Variants in CLCN5 observed in about 807,000 individuals in gnomAD.
CLCN5 encodes Cl-/H+ antiporter 5.
In CLCN5, 17 loss-of-function variants were observed where a neutral mutation model predicts 54.0. That is an observed-to-expected ratio of 0.31 (90% CI 0.22 to 0.47). The LOEUF is 0.47. Among genes scored for constraint, CLCN5 ranks in the 20% least tolerant of loss-of-function variants. The pLI, the probability that CLCN5 is intolerant of heterozygous loss-of-function variation, is 1.00. For synonymous variants in CLCN5, 222 were observed against 233.0 expected (o/e 0.95, Z 0.43); for missense variants, 448 against 646.7 (o/e 0.69, Z 3.33).
chrX:49,964,012 T>G, intron 3 of CLCN5, among the ~76,000 whole-genome samples: 1 of 112,028 alleles, frequency 8.9e-6, no homozygotes, highest in East Asian at 2.8e-4. Context: ...CAATATTAAG[T>G]ATGGTACAGT....
At chrX:49,934,221 C>G (rs1925804341) in intron 3 of CLCN5, among the ~76,000 whole-genome samples, 1 of 111,639 alleles carries the variant, frequency 9.0e-6, no homozygotes, top group Non-Finnish European at 1.9e-5. Context: ...TTTTTTTTCT[C>G]CCCTCAAAAA....
chrX:49,936,817 G>A (rs1926013208), intron 3 of CLCN5, among the ~76,000 whole-genome samples: 1 of 112,077 alleles, frequency 8.9e-6, no homozygotes, highest in Non-Finnish European at 1.9e-5. Flanking sequence ...AAGGATCTTG[G>A]TTGCCTTCTA....
At chrX:49,922,988 A>T (rs1925144262) in intron 1 of CLCN5, among the ~76,000 whole-genome samples, 196 bp downstream of exon 1, 1 of 113,020 alleles carries the variant, frequency 8.8e-6, no homozygotes, top group South Asian at 3.6e-4. Context: ...GGCTAGTTCC[A>T]GCCAGTGCTG....
intron 3 of CLCN5, among the ~76,000 whole-genome samples, chrX:49,997,049 C>A: frequency 8.9e-6 from 1 of 111,998 alleles, no homozygotes; most frequent in East Asian, 2.8e-4. Flanking sequence ...TCTCTAAATT[C>A]TTGCATTTTG....
intron 3 of CLCN5, among the ~76,000 whole-genome samples, chrX:49,995,431 C>T (rs1437560592): frequency 9.0e-6 from 1 of 111,429 alleles, no homozygotes. Flanking sequence ...CTGAGGCTTC[C>T]GAGCAAGGGT....
chrX:50,057,387 TACTATCCAGG>T (rs1932769969), intron 4 of CLCN5, among the ~76,000 whole-genome samples: 3 of 86,039 alleles, frequency 3.5e-5, no homozygotes, highest in Non-Finnish European at 6.9e-5. Context: ...CCTGGATAGA[TACTATCCAGG>T]ACTCTCCTGG....
At chrX:49,942,704 T>C (rs1348230615) in intron 3 of CLCN5, among the ~76,000 whole-genome samples, 1 of 110,047 alleles carries the variant, frequency 9.1e-6, no homozygotes, top group Admixed American at 9.8e-5. Context: ...GGTTTCCAGC[T>C]TCATCCATGT....
chrX:49,939,821 T>A (rs993521406), intron 3 of CLCN5, among the ~76,000 whole-genome samples: 7 of 111,986 alleles, frequency 6.3e-5, no homozygotes, highest in Non-Finnish European at 3.8e-5. Flanking sequence ...CATTTATTCC[T>A]TTGTGCTTTG....
chrX:50,070,072 A>C (rs368247146), intron 5 of CLCN5, 42 bp downstream of exon 5: 233 of 1,116,748 alleles, frequency 2.1e-4, no homozygotes, highest in Non-Finnish European at 2.6e-4. Context: ...TAGGAAATAC[A>C]GGGGAAGAAA....
At position 50,086,031 on chromosome X, in the gene CLCN5, A is replaced by G. The variant is rs1557193822; in HGVS notation, c.985A>G (p.Ile329Val). 8 of 1,207,304 alleles carry G rather than the reference A, an allele frequency of 6.6e-6. No individual in the cohort carries two copies. In the South Asian group the frequency reaches 1.4e-4, roughly 21 times the overall value. ...TGTATCTGTAGCCTTTGGAGCACCTATAGGTGGAGTATTATTCAGCCTTGA... is the reference window on the plus strand; with the variant it reads ...TGTATCTGTAGCCTTTGGAGCACCTGTAGGTGGAGTATTATTCAGCCTTGA... Reference protein sequence around the residue: ...AGVSVAFGAPIGGVLFSLEEV... With the variant: ...AGVSVAFGAPVGGVLFSLEEV... The change falls in exon 10 of 15, where the codon ATA (isoleucine) becomes GTA (valine). Residue 329 changes from isoleucine to valine, a missense_variant. Transcript: ENST00000376091.
intron 7 of CLCN5, among the ~76,000 whole-genome samples, chrX:50,079,617 C>A (rs1024665232): frequency 1.8e-5 from 2 of 111,793 alleles, no homozygotes; most frequent in African/African-American, 3.3e-5. Context: ...ATAGTTGTTT[C>A]CATTTTATTT....
chrX:50,005,601 TATA>T (rs1182418043), intron 3 of CLCN5, among the ~76,000 whole-genome samples: 1 of 111,948 alleles, frequency 8.9e-6, no homozygotes, highest in Admixed American at 9.5e-5. Flanking sequence ...AAAAAACTAT[TATA>T]ATAAACTCAT....
intron 4 of CLCN5, among the ~76,000 whole-genome samples, chrX:50,042,866 C>T (rs143101751): frequency 1.8e-5 from 2 of 111,843 alleles, no homozygotes; most frequent in African/African-American, 6.5e-5. Context: ...GGAGTAGGAT[C>T]ACTTAGTCAT....
chrX:50,000,891 C>T (rs1311499508), intron 3 of CLCN5, among the ~76,000 whole-genome samples: 1 of 111,552 alleles, frequency 9.0e-6, no homozygotes, highest in East Asian at 2.8e-4. Context: ...CTGCTTGGTC[C>T]CATTATTTGA....
intron 4 of CLCN5, among the ~76,000 whole-genome samples, chrX:50,066,195 T>A (rs1602106300): frequency 2.5e-5 from 2 of 80,227 alleles, no homozygotes; most frequent in African/African-American, 8.6e-5. Context: ...AAAGAGAAAT[T>A]CCAGAGCAAA....
rs187302718 is a variant in CLCN5, at chrX:50,089,199, G to T, written c.1744+315G>T. Reference sequence around the variant, plus strand: ...AAAAAATTAGAATCAACCTAAATTTGCACTTGAGGGACTGGTTAAATGAAT... The same window carrying T: ...AAAAAATTAGAATCAACCTAAATTTTCACTTGAGGGACTGGTTAAATGAAT... On this transcript the variant is annotated intron_variant, in intron 12 of 14. Coordinates refer to ENST00000376091, the MANE Select transcript of CLCN5 (RefSeq NM_001127898.4). Among the ~76,000 whole-genome samples the T allele has an allele frequency of 1.5e-4, 17 of 112,088 alleles. 1 individual carries two copies. The South Asian group carries it at 6.0e-3, about 39-fold the overall frequency.
intron 3 of CLCN5, among the ~76,000 whole-genome samples, chrX:49,947,953 G>A (rs1297681561): frequency 2.7e-5 from 3 of 110,878 alleles, no homozygotes; most frequent in Admixed American, 9.6e-5. Context: ...TGTGTTGACT[G>A]TTCAGTTCCT....
At chrX:49,931,869 C>T (rs782621336) in intron 3 of CLCN5, among the ~76,000 whole-genome samples, 25 of 104,390 alleles carry the variant, frequency 2.4e-4, no homozygotes, top group African/African-American at 8.1e-4. Flanking sequence ...GCTATGATCT[C>T]GCCACTGCAC....
intron 3 of CLCN5, among the ~76,000 whole-genome samples, chrX:49,943,754 TG>T (rs1926524192): frequency 9.0e-6 from 1 of 111,618 alleles, no homozygotes; most frequent in Non-Finnish European, 1.9e-5. Context: ...TCTGTTCCAT[TG>T]GTCTATATCT....
Sources: allele counts gnomAD v4.1 joint callset (sites outside exome capture counted in the v4.1 genomes callset), GRCh38; gene constraint gnomAD v4.1.1; transcripts MANE v1.5; gene names NCBI Gene and HGNC (gene_info 2026-07-23, HGNC 2026-07-21).